Variants in DMD observed in about 807,000 individuals in gnomAD.
DMD encodes the protein mutant dystrophin.
In DMD, 63 loss-of-function variants were observed where a neutral mutation model predicts 330.1. That is an observed-to-expected ratio of 0.19 (90% confidence interval 0.16 to 0.24). The LOEUF is 0.24. Ranked by LOEUF, DMD falls within the 10% of genes least tolerant of loss-of-function variation. DMD has a pLI of 1.00. For missense variants in DMD, 3,344 were observed against 2,684.1 expected (o/e 1.25, Z -5.43); for synonymous variants, 1,223 against 959.8 (o/e 1.27, Z -5.07).
chrX:31,431,379 T>G lies in DMD; in HGVS notation c.9084+13102A>C, dbSNP rs188300180. On this transcript the variant is annotated intron_variant, in intron 60 of 78. Transcript: ENST00000357033. The stretch of plus-strand genomic sequence containing the variant: ...CCTGCCAGCTGTTGGTAGAAATTAT[T>G]ATTATGATGATGATGATTATGATTA... Among the ~76,000 whole-genome samples the G allele has an allele frequency of 3.5e-4, 39 of 111,505 alleles. 1 individual carries two copies. The highest frequency in any genetic ancestry group is 1.4e-3 in the East Asian group (5 of 3,545).
chrX:32,884,152 TC>T (rs2084297135), intron 2 of DMD, among the ~76,000 whole-genome samples: 1 of 111,272 alleles, frequency 9.0e-6, no homozygotes, highest in South Asian at 3.8e-4. Flanking sequence ...AACTTAAAGT[TC>T]CCACTAGGAA....
intron 44 of DMD, among the ~76,000 whole-genome samples, chrX:32,185,804 A>G (rs2096943643): frequency 9.1e-6 from 1 of 110,432 alleles, no homozygotes; most frequent in Admixed American, 9.6e-5. Flanking sequence ...TCAATAATGT[A>G]TAGCACAGAG....
At chrX:32,269,501 G>A (rs984699158) in intron 43 of DMD, among the ~76,000 whole-genome samples, 7 of 111,212 alleles carry the variant, frequency 6.3e-5, no homozygotes, top group African/African-American at 9.8e-5. Flanking sequence ...CTCCTTGGTC[G>A]AATTCTTTCT....
intron 9 of DMD, among the ~76,000 whole-genome samples, chrX:32,686,575 A>AAG (rs1210477677): frequency 4.7e-5 from 5 of 106,982 alleles, no homozygotes; most frequent in African/African-American, 1.7e-4. Flanking sequence ...AAAAAAAAAA[A>AAG]AAAAAAAGAA....
At chrX:32,662,704 T>A (rs1231249471) in intron 9 of DMD, among the ~76,000 whole-genome samples, 1 of 111,973 alleles carries the variant, frequency 8.9e-6, no homozygotes, top group African/African-American at 3.2e-5. Flanking sequence ...CTCTTTCATT[T>A]GGCCTTTCAC....
chrX:31,310,052 G>T (rs994607086), intron 62 of DMD, among the ~76,000 whole-genome samples: 2 of 110,355 alleles, frequency 1.8e-5, no homozygotes, highest in African/African-American at 6.6e-5. Context: ...AGAAGGTCTG[G>T]GAGGTCATTA....
intron 64 of DMD, among the ~76,000 whole-genome samples, chrX:31,213,951 G>T (rs928991821): frequency 8.9e-6 from 1 of 112,565 alleles, no homozygotes; most frequent in African/African-American, 3.2e-5. Flanking sequence ...GTTACTGATG[G>T]TGTAACTTTC....
At chrX:31,815,879 C>T (rs1211844835) in intron 50 of DMD, among the ~76,000 whole-genome samples, 1 of 111,655 alleles carries the variant, frequency 9.0e-6, no homozygotes, top group East Asian at 2.8e-4. Flanking sequence ...TGGAAAACTG[C>T]CCTGAGAATA....
At chrX:32,575,177 C>T (rs1033752740) in intron 13 of DMD, among the ~76,000 whole-genome samples, 3 of 111,506 alleles carry the variant, frequency 2.7e-5, no homozygotes, top group Non-Finnish European at 3.8e-5. Context: ...GGATTACAGG[C>T]ATGAGCCACT....
chrX:32,137,308 G>C (rs191126837), intron 44 of DMD, among the ~76,000 whole-genome samples: 1 of 111,946 alleles, frequency 8.9e-6, no homozygotes, highest in Admixed American at 9.5e-5. Flanking sequence ...TACAAGGTCA[G>C]AGGAATACCT....
intron 44 of DMD, among the ~76,000 whole-genome samples, chrX:31,972,021 G>T (rs968293233): frequency 9.0e-6 from 1 of 111,253 alleles, no homozygotes; most frequent in Non-Finnish European, 1.9e-5. Context: ...TCTAACTCCC[G>T]TGGGGAGCTT....
chrX:33,054,808 A>G (rs1603124217), intron 1 of DMD, among the ~76,000 whole-genome samples: 2 of 112,050 alleles, frequency 1.8e-5, no homozygotes, highest in Admixed American at 1.9e-4. Context: ...GGAGAATGCA[A>G]GAATGATACC....
chrX:32,327,044 C>T (rs1277134563), intron 41 of DMD, among the ~76,000 whole-genome samples: 1 of 110,316 alleles, frequency 9.1e-6, no homozygotes, highest in African/African-American at 3.3e-5. Flanking sequence ...CTCCCTCTCT[C>T]ATCTGTGTTG....
At chrX:32,217,305 C>G (rs2097115908) in intron 43 of DMD, among the ~76,000 whole-genome samples, 1 of 110,607 alleles carries the variant, frequency 9.0e-6, no homozygotes, top group Admixed American at 9.7e-5. Flanking sequence ...GCAATTTTTC[C>G]CTTTAAAATG....
At chrX:32,403,689 T>C (rs1050353015) in intron 30 of DMD, among the ~76,000 whole-genome samples, 1 of 111,814 alleles carries the variant, frequency 8.9e-6, no homozygotes, top group African/African-American at 3.2e-5. Context: ...TAGCAACACA[T>C]AGGGGTGGCC....
intron 64 of DMD, among the ~76,000 whole-genome samples, chrX:31,211,471 CTTTTT>C (rs2044667384): frequency 8.9e-6 from 1 of 112,397 alleles, no homozygotes; most frequent in Non-Finnish European, 1.9e-5. Flanking sequence ...CAATTATTTT[CTTTTT>C]TGTTACTCTG....
intron 11 of DMD, among the ~76,000 whole-genome samples, chrX:32,629,221 A>C (rs1269570026): frequency 2.7e-5 from 3 of 111,592 alleles, no homozygotes; most frequent in African/African-American, 9.8e-5. Flanking sequence ...TTTATTTACA[A>C]TTGTTATGTC....
chrX:31,194,675 A>G (rs2042702515), intron 67 of DMD, among the ~76,000 whole-genome samples: 1 of 112,056 alleles, frequency 8.9e-6, no homozygotes, highest in Non-Finnish European at 1.9e-5. Flanking sequence ...AATGTTTCCA[A>G]AATAAAACGT....
rs1282705247 is a variant in DMD at position 31,374,500 on chromosome X, T to C, written c.9085-25866A>G. Among the ~76,000 whole-genome samples, 6 of 107,922 alleles carry C rather than the reference T, an allele frequency of 5.6e-5. No individual in the cohort carries two copies. The East Asian group carries it at 1.5e-3, about 26-fold the overall frequency. 93.7% of individuals were successfully genotyped at this position (107,922 alleles called of 115,157 possible). On this transcript the variant is annotated intron_variant, in intron 60 of 78. Transcript: ENST00000357033. ...TGGAATACTATGCAGCCATAAAAAA[T>C]GATGAGTTCATGTCCTTTGTAGGGA...
Sources: allele counts gnomAD v4.1 joint callset (sites outside exome capture counted in the v4.1 genomes callset), GRCh38; gene constraint gnomAD v4.1.1; transcripts MANE v1.5; gene names NCBI Gene and HGNC (gene_info 2026-07-23, HGNC 2026-07-21).